Variants in CC2D1B observed in about 807,000 individuals in gnomAD.
CC2D1B encodes the protein coiled-coil and C2 domain containing 1B.
A neutral mutation model predicts 110.8 loss-of-function variants in CC2D1B; 92 were observed. The ratio of observed to expected loss-of-function variants is 0.83; its 90% CI spans 0.70 to 0.99. CC2D1B has a LOEUF of 0.99. Among genes scored for constraint, CC2D1B ranks in the 50% least tolerant of loss-of-function variants. The pLI is 0.00. For synonymous variants in CC2D1B, 406 were observed against 429.2 expected (o/e 0.95, Z 0.67); for missense variants, 1,136 against 1,089.0 (o/e 1.04, Z -0.61).
intron 1 of CC2D1B, among the ~76,000 whole-genome samples, chr1:52,365,385 C>T (rs966912586): frequency 5.9e-5 from 9 of 152,252 alleles, no homozygotes; most frequent in African/African-American, 2.2e-4. Flanking sequence ...TCCTTCGAGG[C>T]GGTGACGCCT....
In CC2D1B at chr1:52,361,122, TGCAGCTCC is replaced by T; in HGVS notation, c.321_328del (p.Glu108GlyfsTer10). ...CTCCTCGTCCACACCTAAGACCTCC[TGCAGCTCC>T]GTCTAGGGAGACAAAACACAGCCCA... is the stretch of plus-strand genomic sequence containing the variant. On this transcript the variant is annotated frameshift_variant and splice_region_variant, in exon 5 of 25. Transcript: ENST00000284376. LOFTEE classifies it high-confidence loss of function. 1 of 1,614,022 alleles carries T rather than the reference TGCAGCTCC, an allele frequency of 6.2e-7. No homozygotes were observed. The highest frequency in any genetic ancestry group is 1.1e-5 in the South Asian group (1 of 91,088).
intron 21 of CC2D1B, 40 bp from the exon 22 acceptor site, chr1:52,354,979 G>A (rs373342451): frequency 1.2e-4 from 178 of 1,527,892 alleles, no homozygotes; most frequent in Middle Eastern, 1.7e-4. Context: ...CTTGGCTCTC[G>A]GGATTTCCTG....
rs774110312 is a variant in CC2D1B at position 52,355,856 on chromosome 1, C to T, written c.2055-12G>A. On this transcript the variant is annotated splice_polypyrimidine_tract_variant and intron_variant, in intron 18 of 24. Coordinates refer to ENST00000284376, the MANE Select transcript of CC2D1B (RefSeq NM_001330585.2). ...GTTCTGAGAAGATCCTAGAGCCAAG[C>T]GGGAAGGAGAAAATGCTCAAAAGTG... is the stretch of plus-strand genomic sequence containing the variant. 15 of 1,613,668 alleles carry T rather than the reference C, an allele frequency of 9.3e-6. No homozygotes were observed. In the East Asian group the frequency reaches 2.9e-4, roughly 31 times the overall value.
Position 52,353,212 on chromosome 1 carries a change from G to C in CC2D1B, c.*13C>G, listed in dbSNP as rs1646562774. On this transcript the variant is annotated 3_prime_UTR_variant, in exon 25 of 25. Transcript: ENST00000284376. Reference sequence around the variant, plus strand: ...GTCGCGGCCTGACTCCTCTCCTGGTGCTGGCCATCGGCTACACAGGGGTGC... The same window carrying C: ...GTCGCGGCCTGACTCCTCTCCTGGTCCTGGCCATCGGCTACACAGGGGTGC... The C allele has an allele frequency of 7.4e-7, 1 of 1,350,402 alleles. No homozygotes were observed. The highest frequency in any genetic ancestry group is 4.6e-5 in the East Asian group (1 of 21,640). 83.7% of individuals were successfully genotyped at this position (1,350,402 alleles called of 1,614,324 possible).
chr1:52,356,430 A>G lies in CC2D1B; in HGVS notation c.1891T>C (p.Phe631Leu), dbSNP rs961059771. 1.2e-6 allele frequency: 2 copies of G among 1,614,112 alleles called. No homozygotes were observed. Among genetic ancestry groups the G allele is most frequent in the Admixed American group, 1.7e-5 (1 of 60,006 alleles). Residue 631 changes from phenylalanine (F) to leucine (L), a missense_variant, in exon 17 of 25, where the codon TTC (phenylalanine) becomes CTC (leucine). Physicochemically the swap from Phe to Leu is conservative, Grantham distance 22 (BLOSUM62 0). Transcript: ENST00000284376. The stretch of plus-strand genomic sequence containing the variant: ...CCCTGGTGCATGAACTGCTTGGAGA[A>G]CAGCAGGCACTTCTGAAAATAGAGG... ...LLEQQEKCLL[F>L]SKQFMHQGNV...
At chr1:52,356,840 AAATGT>A in intron 16 of CC2D1B, 156 bp downstream of exon 16, 1 of 776,144 alleles carries the variant, frequency 1.3e-6, no homozygotes, top group Non-Finnish European at 2.0e-6. Context: ...TAGATGAGGA[AAATGT>A]AGTTCAGAGA....
rs762752207 is a variant in CC2D1B, at chr1:52,355,780, C to T, written c.2119G>A (p.Ala707Thr). ...LIIVRGMNLP[A>T]PPGVTPDDLD... ...GCGGCCCTAGGGTTACCTGGAGGGG[C>T]TGGGAGGTTCATTCCCCGGACAATG... Residue 707 changes from alanine to threonine, a missense_variant, in exon 19 of 25, where the codon GCC (alanine) becomes ACC (threonine). Ala to Thr is a moderately conservative substitution (Grantham distance 58, BLOSUM62 0). Transcript: ENST00000284376. 2 of 1,614,096 alleles carry T rather than the reference C, an allele frequency of 1.2e-6. No individual in the cohort carries two copies. The highest frequency in any genetic ancestry group is 2.2e-5 in the South Asian group (2 of 91,084).
chr1:52,358,956 G>T, intron 11 of CC2D1B, 71 bp downstream of exon 11: 1 of 1,578,524 alleles, frequency 6.3e-7, no homozygotes, highest in South Asian at 1.1e-5. Flanking sequence ...CTAGCCGGAG[G>T]ACCAGGGAGA....
chr1:52,356,581 C>T, intron 16 of CC2D1B, 139 bp from the exon 17 acceptor site: 1 of 851,246 alleles, frequency 1.2e-6, no homozygotes, highest in Non-Finnish European at 1.9e-6. Context: ...CCCAAGGGCA[C>T]TACTCCCAAG....
chr1:52,359,499 C>T lies in CC2D1B; in HGVS notation c.978G>A (p.Gly326=), dbSNP rs780187759. Residue 326 remains glycine (G), a synonymous_variant, in exon 9 of 25, where the codon GGG becomes GGA. Coordinates refer to ENST00000284376, the MANE Select transcript of CC2D1B (RefSeq NM_001330585.2). ...FGAVLEALEK[G]QPVDLSAMPP... ...GCATGGCACTCAGATCCACGGGCTG[C>T]CCCTTCTCCAGGGCCTCCAGGACAG... The T allele has an allele frequency of 5.0e-6, 8 of 1,613,986 alleles. No individual in the cohort carries two copies. The East Asian group carries it at 1.1e-4, about 22-fold the overall frequency.
Position 52,359,764 on chromosome 1 carries a change from G to C in CC2D1B, c.883C>G (p.Leu295Val). The C allele has an allele frequency of 6.2e-7, 1 of 1,610,982 alleles. No homozygotes were observed. The highest frequency in any genetic ancestry group is 1.1e-5 in the South Asian group (1 of 90,302). ...AGCTCTCCAGCCCGCTTGGCACTGA[G>C]GGCAGCCACTTTGTACTCTCTCTGT... ...SRQREYKVAA[L>V]SAKRAGELDR... The change falls in exon 8 of 25, where the codon CTC (leucine) becomes GTC (valine). Residue 295 changes from leucine to valine, a missense_variant. Leu to Val is a conservative substitution (Grantham distance 32). Coordinates refer to ENST00000284376, the MANE Select transcript of CC2D1B (RefSeq NM_001330585.2).
intron 23 of CC2D1B, chr1:52,354,395 G>A (rs750469768): frequency 3.6e-5 from 25 of 698,188 alleles, no homozygotes; most frequent in Non-Finnish European, 5.8e-5. Flanking sequence ...ATGGAAACAA[G>A]GAGGCTGCCT....
chr1:52,359,562 G>A (rs1177717605), intron 8 of CC2D1B, 28 bp from the exon 9 acceptor site: 9 of 1,610,360 alleles, frequency 5.6e-6, no homozygotes, highest in Non-Finnish European at 6.8e-6. Context: ...GCAGGTGTGG[G>A]TGAAAGACAG....
At chr1:52,356,794 G>T (rs1646662866) in intron 16 of CC2D1B, 2 of 614,214 alleles carry the variant, frequency 3.3e-6, no homozygotes, top group South Asian at 4.2e-5. Flanking sequence ...TCTGTTGTTT[G>T]TACCACCCTG....
intron 13 of CC2D1B, 159 bp from the exon 14 acceptor site, chr1:52,358,057 A>G: frequency 8.7e-7 from 1 of 1,146,988 alleles, no homozygotes; most frequent in Non-Finnish European, 1.2e-6. Flanking sequence ...GAGAGCTAGA[A>G]GCAGCCTCAG....
intron 2 of CC2D1B, among the ~76,000 whole-genome samples, chr1:52,364,312 C>A (rs1443649751): frequency 6.6e-6 from 1 of 152,158 alleles, no homozygotes; most frequent in African/African-American, 2.4e-5. Flanking sequence ...ATCTAAGGAA[C>A]CTTTGAGAGC....
chr1:52,355,017 G>A (rs1646617159), intron 21 of CC2D1B, 78 bp from the exon 22 acceptor site: 1 of 1,201,508 alleles, frequency 8.3e-7, no homozygotes. Context: ...GCCCAGGGCT[G>A]GCTGCCTTCC....
intron 22 of CC2D1B, 43 bp downstream of exon 22, chr1:52,354,797 C>T (rs754486502): frequency 1.9e-6 from 3 of 1,604,702 alleles, no homozygotes; most frequent in Admixed American, 3.3e-5. Context: ...ACGCTCTTCC[C>T]TCCTCCCGGC....
intron 24 of CC2D1B, 105 bp from the exon 25 acceptor site, chr1:52,353,328 C>G: frequency 1.4e-6 from 2 of 1,476,900 alleles, no homozygotes; most frequent in Non-Finnish European, 1.8e-6. Context: ...GATAGTTAAA[C>G]CTTGGAAGGT....
Sources: gnomAD v4.1 joint callset for allele counts (sites outside exome capture counted in the v4.1 genomes callset) on GRCh38, gnomAD v4.1.1 for gene constraint, MANE v1.5 for transcripts, NCBI Gene and HGNC (gene_info 2026-07-23, HGNC 2026-07-21) for gene names.